Variants in PRKAB1 observed in about 807,000 individuals in gnomAD.
PRKAB1 encodes the protein 5'-AMP-activated protein kinase subunit beta-1.
PRKAB1 carries 18 observed loss-of-function variants against 32.0 expected under a neutral mutation model. That is an observed-to-expected ratio of 0.56 (90% CI 0.39 to 0.83). The LOEUF (loss-of-function observed/expected upper bound fraction) is 0.83. Among genes scored for constraint, PRKAB1 ranks in the 40% least tolerant of loss-of-function variants. The pLI is 0.00. For missense variants in PRKAB1, 263 were observed against 352.6 expected (o/e 0.75, Z 2.03); for synonymous variants, 141 against 141.4 (o/e 1.00, Z 0.02).
intron 4 of PRKAB1, among the ~76,000 whole-genome samples, chr12:119,675,065 C>T (rs1037527276): frequency 6.6e-6 from 1 of 152,212 alleles, no homozygotes; most frequent in Non-Finnish European, 1.5e-5. Flanking sequence ...AATTGCTTTC[C>T]CTCCAAGCCC....
chr12:119,669,874 C>T (rs1467683154), intron 1 of PRKAB1: 1 of 152,286 alleles, frequency 6.6e-6, no homozygotes, highest in Non-Finnish European at 1.5e-5. Flanking sequence ...CACTCCCGGC[C>T]TCACCCTGCT....
In PRKAB1 at chr12:119,679,672, C is replaced by T. The variant is rs1020201779; in HGVS notation, c.667-261C>T. On this transcript the variant is annotated intron_variant, in intron 5 of 6. Transcript: ENST00000229328. This position sits in a 1 kb window ranked among gnomAD's most constrained non-coding sequence, Gnocchi z 4.1. The stretch of plus-strand genomic sequence containing the variant: ...TAAGAGGACAGGGCCGTGGCCCACA[C>T]TTGAAAGAGGCCGGGGTAAATGCCT... 3 of 487,574 alleles carry T rather than the reference C, an allele frequency of 6.2e-6. No individual in the cohort carries two copies. Among genetic ancestry groups the T allele is most frequent in the African/African-American group, 3.9e-5 (2 of 50,970 alleles). The allele number at this position is 487,574 out of a possible 1,614,324, so 30.2% of individuals were successfully genotyped here. A position where few individuals can be genotyped will look rare whatever the true frequency, so the allele number is the denominator to read the frequency against.
At chr12:119,678,476 TTCC>T (rs1955442995) in intron 5 of PRKAB1, 1 of 152,214 alleles carries the variant, frequency 6.6e-6, no homozygotes, top group Non-Finnish European at 1.5e-5. Flanking sequence ...CTTGAACGTA[TTCC>T]TCCTGTCTAA....
At chr12:119,668,479 C>T in intron 1 of PRKAB1, 76 bp downstream of exon 1, 1 of 1,545,376 alleles carries the variant, frequency 6.5e-7, no homozygotes, top group African/African-American at 1.4e-5. Context: ...ATTCCCGTCA[C>T]ATCCTTTCGA....
chr12:119,676,386 T>C (rs1955426453), intron 4 of PRKAB1, 151 bp from the exon 5 acceptor site: 1 of 1,007,316 alleles, frequency 9.9e-7, no homozygotes, highest in Non-Finnish European at 1.4e-6. Context: ...TCCTCTATTC[T>C]GCACTCTTGG....
chr12:119,675,275 CTAGT>C (rs1253127038), intron 4 of PRKAB1, among the ~76,000 whole-genome samples: 5 of 152,190 alleles, frequency 3.3e-5, no homozygotes, highest in Non-Finnish European at 5.9e-5. Flanking sequence ...TCATCATTGT[CTAGT>C]TAGGCCTGGA....
Position 119,673,985 on chromosome 12 carries a change from C to A in PRKAB1, c.345C>A (p.Ile115=). 1.2e-6 allele frequency: 2 copies of A among 1,613,846 alleles called. No individual in the cohort carries two copies. Among genetic ancestry groups the A allele is most frequent in the Non-Finnish European group, 1.7e-6 (2 of 1,179,870 alleles). The change falls in exon 3 of 7, where the codon ATC becomes ATA. Residue 115 remains isoleucine (I), a synonymous_variant. Transcript: ENST00000229328. ...LTRSHNNFVA[I]LDLPEGEHQY... ...GCAGCCACAATAACTTTGTAGCCATCCTGGATCTGCCGGAAGGAGAGCATC... is the reference window on the plus strand; with the variant it reads ...GCAGCCACAATAACTTTGTAGCCATACTGGATCTGCCGGAAGGAGAGCATC...
intron 1 of PRKAB1, 135 bp downstream of exon 1, chr12:119,668,538 A>G: frequency 3.3e-6 from 4 of 1,222,098 alleles, no homozygotes; most frequent in Non-Finnish European, 4.5e-6. Flanking sequence ...GTGCACTTAA[A>G]AGCCAGATGG....
In PRKAB1 at chr12:119,674,114, C is replaced by T; in HGVS notation, c.417+57C>T. On this transcript the variant is annotated intron_variant, in intron 3 of 6. Coordinates refer to ENST00000229328, the MANE Select transcript of PRKAB1 (RefSeq NM_006253.5). The surrounding 1 kb of genome is among the most constrained non-coding windows in gnomAD (Gnocchi z 4.3). ...TGCCCGCACATTCCAAACAAATCAC[C>T]TTCCCAAGAGATTGCCGCTAGGTCC... 9.2e-6 allele frequency: 14 copies of T among 1,516,048 alleles called. No homozygotes were observed. In the South Asian group the frequency reaches 1.5e-4, roughly 16 times the overall value. The allele number at this position is 1,516,048 out of a possible 1,614,324, so 93.9% of individuals were successfully genotyped here. A position where few individuals can be genotyped will look rare whatever the true frequency, so the allele number is the denominator to read the frequency against.
At chr12:119,668,869 T>G (rs1385555044) in intron 1 of PRKAB1, among the ~76,000 whole-genome samples, 1 of 152,170 alleles carries the variant, frequency 6.6e-6, no homozygotes, top group African/African-American at 2.4e-5. Context: ...AAGCTGAAAG[T>G]AGAGCGGAAC....
chr12:119,680,526 C>T lies in PRKAB1; in HGVS notation c.*201C>T, dbSNP rs1217610338. 1 of 599,376 alleles carries T rather than the reference C, an allele frequency of 1.7e-6. No homozygotes were observed. Among genetic ancestry groups the T allele is most frequent in the Non-Finnish European group, 2.9e-6 (1 of 339,890 alleles). 37.1% of individuals were successfully genotyped at this position (599,376 alleles called of 1,614,324 possible). A position where few individuals can be genotyped will look rare whatever the true frequency, so the allele number is the denominator to read the frequency against. ...CCTCGGTCTGTGACAGTCCTCCTAG[C>T]ACCCCCATGGCTTTGAGCCTCGGGG... On this transcript the variant is annotated 3_prime_UTR_variant, in exon 7 of 7. Coordinates refer to ENST00000229328, the MANE Select transcript of PRKAB1 (RefSeq NM_006253.5).
intron 6 of PRKAB1, 28 bp downstream of exon 6, chr12:119,680,029 C>T (rs1204434187): frequency 1.2e-6 from 2 of 1,600,530 alleles, no homozygotes; most frequent in Non-Finnish European, 1.7e-6. Flanking sequence ...CCCATGAGAG[C>T]TGTGTTGCCC....
In PRKAB1 at chr12:119,679,498, C is replaced by T. The variant is rs988035983; in HGVS notation, c.667-435C>T. 5.3e-6 allele frequency: 1 copy of T among 189,152 alleles called. No homozygotes were observed. Among genetic ancestry groups the T allele is most frequent in the African/African-American group, 2.4e-5 (1 of 42,216 alleles). The allele number at this position is 189,152 out of a possible 1,614,324, so 11.7% of individuals were successfully genotyped here. On this transcript the variant is annotated intron_variant, in intron 5 of 6. Transcript: ENST00000229328. The surrounding 1 kb of genome is among the most constrained non-coding windows in gnomAD (Gnocchi z 4.1). ...GATTTTCCAGAGTAGTGGTGTCTTG[C>T]CCAGGTATCCGTTTCATTCTTCAGG...
intron 1 of PRKAB1, chr12:119,671,401 A>G (rs1955387687): frequency 3.2e-6 from 1 of 312,298 alleles, no homozygotes; most frequent in Non-Finnish European, 6.5e-6. Context: ...AGACTGGGTA[A>G]TTTATAAAGA....
exon 1 of PRKAB1, chr12:119,668,128 GCTCCGA>G: frequency 1.6e-6 from 2 of 1,258,976 alleles, no homozygotes; most frequent in Non-Finnish European, 2.1e-6. Context: ...GTGTCCTGGT[GCTCCGA>G]CTCCTTCCGC....
rs1484220970 is a variant in PRKAB1 at position 119,676,661 on chromosome 12, G to T, written c.657G>T (p.Thr219=). 1 of 1,613,740 alleles carries T rather than the reference G, an allele frequency of 6.2e-7. No homozygotes were observed. Among genetic ancestry groups the T allele is most frequent in the South Asian group, 1.1e-5 (1 of 91,054 alleles). ...TCCAGGTCATCCTGAACAAGGACAC[G>T]GGGATTTCCGTAAGTATGTGGGCAT... ...HLLQVILNKD[T]GISCDPALLP... The change falls in exon 5 of 7, where the codon ACG becomes ACT. Residue 219 remains threonine, a synonymous_variant. Coordinates refer to ENST00000229328, the MANE Select transcript of PRKAB1 (RefSeq NM_006253.5).
Position 119,668,343 on chromosome 12 carries a change from G to GCCCAAGATCCTGATGGACAGC in PRKAB1, c.103_123dup (p.Lys35_Pro41dup). On this transcript the variant is annotated inframe_insertion, in exon 1 of 7. Transcript: ENST00000229328. ...CGGGGGGCACCAAGGACGGGGACAGGCCCAAGATCCTGATGGACAGCCCCG... is the reference window on the plus strand; with the variant it reads ...CGGGGGGCACCAAGGACGGGGACAGGCCCAAGATCCTGATGGACAGCCCCAAGATCCTGATGGACAGCCCCG... 7 of 1,613,288 alleles carry GCCCAAGATCCTGATGGACAGC rather than the reference G, an allele frequency of 4.3e-6. No individual in the cohort carries two copies. The highest frequency in any genetic ancestry group is 5.9e-6 in the Non-Finnish European group (7 of 1,179,686).
At chr12:119,675,331 C>T (rs1243748563) in intron 4 of PRKAB1, among the ~76,000 whole-genome samples, 1 of 152,166 alleles carries the variant, frequency 6.6e-6, no homozygotes, top group African/African-American at 2.4e-5. Context: ...TCAGAAATCA[C>T]AGTGGTAAAA....
At chr12:119,672,576 G>A (rs1460849539) in intron 2 of PRKAB1, 112 bp downstream of exon 2, 4 of 1,218,568 alleles carry the variant, frequency 3.3e-6, no homozygotes, top group Non-Finnish European at 4.4e-6. Context: ...GATGCCTAGT[G>A]GAAAAATAAT....
Sources: allele counts gnomAD v4.1 joint callset (sites outside exome capture counted in the v4.1 genomes callset), GRCh38; gene constraint gnomAD v4.1.1; non-coding constraint Gnocchi (gnomAD v3.1); transcripts MANE v1.5; gene names NCBI Gene and HGNC (gene_info 2026-07-23, HGNC 2026-07-21).